Variants in WWOX observed in about 807,000 individuals in gnomAD.
WWOX encodes the protein WW domain-containing oxidoreductase.
WWOX carries 69 observed loss-of-function variants against 46.2 expected under a neutral mutation model. The ratio of observed to expected loss-of-function variants is 1.49; its 90% CI spans 1.23 to 1.82. The LOEUF is 1.82. Among genes scored for constraint, WWOX ranks in the 40% most tolerant of loss-of-function variants. The pLI is 0.00. For missense variants in WWOX, 919 were observed against 542.6 expected, an observed-to-expected ratio of 1.69 and a Z score of -6.89; for synonymous variants, 359 against 202.6, an observed-to-expected ratio of 1.77 and a Z score of -6.56.
At chr16:78,550,399 A>G (rs941861643) in intron 8 of WWOX, among the ~76,000 whole-genome samples, 2 of 152,242 alleles carry the variant, frequency 1.3e-5, no homozygotes, top group Non-Finnish European at 2.9e-5. Flanking sequence ...CTATAAGCCA[A>G]TGGGCATGGT....
chr16:78,460,967 A>G (rs1025878391), intron 8 of WWOX, among the ~76,000 whole-genome samples: 7 of 149,292 alleles, frequency 4.7e-5, no homozygotes, highest in Non-Finnish European at 1.1e-4. Flanking sequence ...GTTGATTACT[A>G]AGTTCTTGCC....
intron 8 of WWOX, among the ~76,000 whole-genome samples, chr16:78,645,216 C>T (rs923613358): frequency 6.6e-6 from 1 of 152,012 alleles, no homozygotes; most frequent in South Asian, 2.1e-4. Flanking sequence ...CTTGTTCTAC[C>T]CTTGAGGAGG....
At chr16:78,319,992 A>G (rs1490940356) in intron 5 of WWOX, among the ~76,000 whole-genome samples, 1 of 152,128 alleles carries the variant, frequency 6.6e-6, no homozygotes, top group Non-Finnish European at 1.5e-5. Context: ...GTAAACTCTC[A>G]TTATATCTTT....
chr16:78,389,339 C>G (rs1209383589), intron 6 of WWOX, among the ~76,000 whole-genome samples: 1 of 152,214 alleles, frequency 6.6e-6, no homozygotes, highest in Non-Finnish European at 1.5e-5. Flanking sequence ...AAGCCCCAGA[C>G]ATTCTTCTGG....
intron 8 of WWOX, among the ~76,000 whole-genome samples, chr16:78,581,301 C>G (rs536782260): frequency 1.8e-4 from 28 of 152,216 alleles, no homozygotes; most frequent in African/African-American, 6.7e-4. Context: ...GGGCTGGAAG[C>G]CAACCTTTTC....
chr16:78,256,149 CAAAAAA>C (rs10557567), intron 5 of WWOX, among the ~76,000 whole-genome samples: 1,635 of 65,456 alleles, frequency 0.025, 29 homozygotes, highest in African/African-American at 0.088. Flanking sequence ...GACTCCATCT[CAAAAAA>C]AAAAAAAAAA....
intron 8 of WWOX, among the ~76,000 whole-genome samples, chr16:78,667,156 G>C (rs1044359252): frequency 6.6e-6 from 1 of 152,112 alleles, no homozygotes; most frequent in Non-Finnish European, 1.5e-5. Flanking sequence ...ACCACTTTAT[G>C]TGTTTGCTAG....
chr16:78,720,776 T>A (rs1352407648), intron 8 of WWOX, among the ~76,000 whole-genome samples: 1 of 152,184 alleles, frequency 6.6e-6, no homozygotes, highest in East Asian at 1.9e-4. Context: ...TCTCAAACTC[T>A]ATTATACAAG....
At chr16:78,357,432 C>G (rs1375357738) in intron 5 of WWOX, among the ~76,000 whole-genome samples, 1 of 152,174 alleles carries the variant, frequency 6.6e-6, no homozygotes, top group East Asian at 1.9e-4. Context: ...TATTTTGGTT[C>G]ATTCAATCAA....
At chr16:78,493,198 T>C (rs1392522346) in intron 8 of WWOX, among the ~76,000 whole-genome samples, 1 of 152,322 alleles carries the variant, frequency 6.6e-6, no homozygotes. Flanking sequence ...AATACATGTT[T>C]CCTGCTTCCA....
At chr16:78,252,528 C>G (rs1025390174) in intron 5 of WWOX, among the ~76,000 whole-genome samples, 1 of 152,234 alleles carries the variant, frequency 6.6e-6, no homozygotes, top group Non-Finnish European at 1.5e-5. Context: ...CTAGCAAACA[C>G]TTTTCCCAGA....
intron 8 of WWOX, among the ~76,000 whole-genome samples, chr16:78,853,153 T>C (rs1444992722): frequency 6.6e-6 from 1 of 152,252 alleles, no homozygotes; most frequent in East Asian, 1.9e-4. Context: ...TATAACAATA[T>C]GTTAATATGT....
rs1597201912 is a variant in WWOX at position 78,105,128 on chromosome 16, A to T, written c.108-3295A>T. Among the ~76,000 whole-genome samples the T allele has an allele frequency of 1.3e-5, 2 of 152,312 alleles. 1 individual carries two copies. The highest frequency in any genetic ancestry group is 6.8e-3 in the Middle Eastern group (2 of 294). ...TATGGGACTGGGGTATTGGCATCTGATGGGCAGAGGCCAGTGGTGCCCAAG... is the reference window on the plus strand; with the variant it reads ...TATGGGACTGGGGTATTGGCATCTGTTGGGCAGAGGCCAGTGGTGCCCAAG... On this transcript the variant is annotated intron_variant, in intron 1 of 8. Transcript: ENST00000566780.
intron 2 of WWOX, among the ~76,000 whole-genome samples, chr16:78,109,109 T>G (rs2032333511): frequency 6.6e-6 from 1 of 152,226 alleles, no homozygotes; most frequent in Non-Finnish European, 1.5e-5. Context: ...ACTATGGAAT[T>G]AAATATATAA....
chr16:79,192,486 G>A (rs541559715), intron 8 of WWOX, among the ~76,000 whole-genome samples: 6 of 152,266 alleles, frequency 3.9e-5, no homozygotes, highest in Admixed American at 2.6e-4. Context: ...GCCTCATCTC[G>A]TTAGTGCAAG....
chr16:78,264,735 C>A (rs1038811808), intron 5 of WWOX: 1 of 152,360 alleles, frequency 6.6e-6, no homozygotes. Flanking sequence ...ACAAAACGGG[C>A]GCATGGGAAC....
intron 8 of WWOX, among the ~76,000 whole-genome samples, chr16:79,068,222 C>A (rs1200016894): frequency 6.6e-6 from 1 of 152,154 alleles, no homozygotes; most frequent in Non-Finnish European, 1.5e-5. Context: ...GCAACGGTAA[C>A]TAATGATGTT....
At chr16:78,859,981 G>T (rs1314463278) in intron 8 of WWOX, among the ~76,000 whole-genome samples, 2 of 152,112 alleles carry the variant, frequency 1.3e-5, no homozygotes, top group East Asian at 3.8e-4. Flanking sequence ...GATAGCTATA[G>T]CAAATAGCTA....
At chr16:78,320,225 C>A (rs934894448) in intron 5 of WWOX, among the ~76,000 whole-genome samples, 1 of 152,162 alleles carries the variant, frequency 6.6e-6, no homozygotes, top group Non-Finnish European at 1.5e-5. Flanking sequence ...AGGTACAGAA[C>A]TGAAATTTTC....
Sources: gnomAD v4.1 joint callset for allele counts (sites outside exome capture counted in the v4.1 genomes callset) on GRCh38, gnomAD v4.1.1 for gene constraint, MANE v1.5 for transcripts, NCBI Gene and HGNC (gene_info 2026-07-23, HGNC 2026-07-21) for gene names.